The following PDE8B variants were observed in gnomAD, a reference collection of about 807,000 sequenced individuals.
PDE8B encodes the protein high affinity cAMP-specific and IBMX-insensitive 3',5'-cyclic phosphodiesterase 8B.
Under a neutral mutation model 101.3 loss-of-function variants are expected in PDE8B, and 26 were observed. The observed-to-expected ratio is 0.26, with a 90% confidence interval of 0.19 to 0.36. PDE8B has a LOEUF of 0.36. PDE8B is among the 10% of genes least tolerant of loss of function. The pLI is 1.00. For missense variants in PDE8B, 810 were observed against 1,163.1 expected (o/e 0.70, Z 4.42); for synonymous variants, 424 against 429.3 (o/e 0.99, Z 0.15).
At position 77,423,641 on chromosome 5, in the gene PDE8B, T is replaced by G. The variant is rs1345872992; in HGVS notation, c.2418+1653T>G. 3.8e-4 allele frequency among the ~76,000 whole-genome samples: 46 copies of G among 122,214 alleles called. 1 individual carries two copies. Among genetic ancestry groups the G allele is most frequent in the African/African-American group, 1.2e-3 (40 of 32,526 alleles). The allele number at this position is 122,214 out of a possible 152,430, so 80.2% of individuals were successfully genotyped here. On this transcript the variant is annotated intron_variant, in intron 20 of 21. Transcript: ENST00000264917. ...ACTTTTGTTTTGTTTAGTTTTTTTTTTTTTTTTTTTTTTTTTTTGAGACAG... is the reference window on the plus strand; with the variant it reads ...ACTTTTGTTTTGTTTAGTTTTTTTTGTTTTTTTTTTTTTTTTTTGAGACAG...
intron 1 of PDE8B, among the ~76,000 whole-genome samples, chr5:77,255,478 A>T (rs1413733298): frequency 6.6e-6 from 1 of 152,182 alleles, no homozygotes; most frequent in Non-Finnish European, 1.5e-5. Flanking sequence ...TTTGTAAGTG[A>T]AGTCTGATGG....
intron 1 of PDE8B, chr5:77,290,981 A>G: frequency 6.2e-7 from 1 of 1,611,928 alleles, no homozygotes; most frequent in South Asian, 1.1e-5. Flanking sequence ...AAGATGAACG[A>G]GTGAACCTGC....
At chr5:77,351,270 G>T in intron 9 of PDE8B, 117 bp downstream of exon 9, 1 of 806,002 alleles carries the variant, frequency 1.2e-6, no homozygotes, top group South Asian at 1.4e-5. Flanking sequence ...GGGTTGTGCT[G>T]AATGTAGTAT....
chr5:77,277,190 G>A (rs901257723), intron 1 of PDE8B, among the ~76,000 whole-genome samples: 1 of 152,150 alleles, frequency 6.6e-6, no homozygotes, highest in African/African-American at 2.4e-5. Context: ...TAAATACTAT[G>A]AATGTTTCTT....
chr5:77,265,415 G>A (rs925924759), intron 1 of PDE8B, among the ~76,000 whole-genome samples: 2 of 152,168 alleles, frequency 1.3e-5, no homozygotes, highest in African/African-American at 4.8e-5. Flanking sequence ...AGCCACAATC[G>A]CTAGTTCATC....
intron 10 of PDE8B, among the ~76,000 whole-genome samples, chr5:77,388,479 C>T (rs889936461): frequency 6.6e-6 from 1 of 152,200 alleles, no homozygotes; most frequent in Non-Finnish European, 1.5e-5. Context: ...AGATGCCAGC[C>T]AGAGCTCTCC....
At chr5:77,361,055 C>G (rs542099928) in intron 10 of PDE8B, among the ~76,000 whole-genome samples, 1 of 152,312 alleles carries the variant, frequency 6.6e-6, no homozygotes, top group African/African-American at 2.4e-5. Context: ...GTAATAAGTA[C>G]TTACATTCCA....
At chr5:77,275,533 T>G (rs1763687500) in intron 1 of PDE8B, among the ~76,000 whole-genome samples, 1 of 152,220 alleles carries the variant, frequency 6.6e-6, no homozygotes. Flanking sequence ...TAGACAAGGC[T>G]ATGAATGTGG....
intron 2 of PDE8B, among the ~76,000 whole-genome samples, chr5:77,313,010 T>A (rs370146302): frequency 6.6e-6 from 1 of 152,294 alleles, no homozygotes; most frequent in East Asian, 1.9e-4. Context: ...AAGAGGGAGT[T>A]TGTACCCTTT....
intron 1 of PDE8B, chr5:77,290,396 T>G (rs879122691): frequency 1.2e-5 from 17 of 1,388,360 alleles, no homozygotes; most frequent in Non-Finnish European, 1.7e-5. Context: ...CCTGTTGCTC[T>G]GCTAACAACT....
chr5:77,337,359 T>C (rs1269873456), intron 6 of PDE8B, 44 bp downstream of exon 6: 2 of 969,986 alleles, frequency 2.1e-6, no homozygotes, highest in Admixed American at 3.7e-5. Flanking sequence ...AACAATTCTT[T>C]AGAAAATCTT....
At chr5:77,377,067 G>T (rs1786275914) in intron 10 of PDE8B, among the ~76,000 whole-genome samples, 1 of 152,240 alleles carries the variant, frequency 6.6e-6, no homozygotes, top group Non-Finnish European at 1.5e-5. Flanking sequence ...TCACTGAGCA[G>T]CAAGGGGACA....
chr5:77,237,172 G>C (rs73135261), intron 1 of PDE8B, among the ~76,000 whole-genome samples: 2,671 of 152,132 alleles, frequency 0.018, 79 homozygotes, highest in African/African-American at 0.062. Context: ...GTTTCTTATA[G>C]ATAGCATGTA....
At chr5:77,319,409 G>A (rs1391034764) in intron 2 of PDE8B, among the ~76,000 whole-genome samples, 9 of 152,200 alleles carry the variant, frequency 5.9e-5, no homozygotes, top group Admixed American at 5.2e-4. Flanking sequence ...AGCAAAGCAT[G>A]TAGTTGTGTT....
the PDE8B span, among the ~76,000 whole-genome samples, chr5:77,197,236 C>G: frequency 6.6e-6 from 1 of 151,424 alleles, no homozygotes; most frequent in African/African-American, 2.4e-5. Context: ...CTCACCCTCC[C>G]AAGTAGCTGG....
At chr5:77,117,908 A>G in the PDE8B span, among the ~76,000 whole-genome samples, 1 of 151,880 alleles carries the variant, frequency 6.6e-6, no homozygotes, top group Non-Finnish European at 1.5e-5. Context: ...TTAAGGTGGT[A>G]GTTCTTTTTG....
chr5:77,207,177 G>A (rs138014253), upstream of PDE8B, among the ~76,000 whole-genome samples: 2 of 152,262 alleles, frequency 1.3e-5, no homozygotes, highest in East Asian at 3.9e-4. Flanking sequence ...AAGGTTGATT[G>A]GTTGATTAAA....
intron 1 of PDE8B, among the ~76,000 whole-genome samples, chr5:77,226,534 G>A (rs1752433474): frequency 1.3e-5 from 2 of 152,136 alleles, no homozygotes; most frequent in South Asian, 2.1e-4. Flanking sequence ...TATTGTAATG[G>A]TGATACAGGG....
the PDE8B span, among the ~76,000 whole-genome samples, chr5:77,189,748 C>T: frequency 4.6e-5 from 7 of 151,890 alleles, no homozygotes; most frequent in Non-Finnish European, 8.8e-5. Context: ...GGACTGTGGT[C>T]GGCTATAAAG....
Sources: allele counts gnomAD v4.1 joint callset (sites outside exome capture counted in the v4.1 genomes callset), GRCh38; gene constraint gnomAD v4.1.1; transcripts MANE v1.5; gene names NCBI Gene and HGNC (gene_info 2026-07-23, HGNC 2026-07-21).